The following PCDH15 variants were observed in gnomAD, a reference collection of about 807,000 sequenced individuals.
PCDH15 encodes the protein protocadherin related 15, also known as protocadherin-15.
In PCDH15, 129 loss-of-function variants were observed where a neutral mutation model predicts 178.5. That is an observed-to-expected ratio of 0.72 (90% CI 0.63 to 0.84). PCDH15 has a LOEUF of 0.84. Among genes scored for constraint, PCDH15 ranks in the 40% least tolerant of loss-of-function variants. PCDH15 has a pLI of 0.00. For synonymous variants in PCDH15, 800 were observed against 732.0 expected (o/e 1.09, Z -1.50); for missense variants, 2,230 against 2,099.9 (o/e 1.06, Z -1.21).
At chr10:54,031,246 TTTTG>T (rs1332467148) in intron 18 of PCDH15, among the ~76,000 whole-genome samples, 2 of 151,952 alleles carry the variant, frequency 1.3e-5, no homozygotes, top group East Asian at 1.9e-4. Context: ...TAGGTTTTTT[TTTTG>T]TTTGTTTTTA....
intron 3 of PCDH15, among the ~76,000 whole-genome samples, chr10:54,469,646 G>A (rs922253600): frequency 3.3e-5 from 5 of 152,132 alleles, no homozygotes; most frequent in African/African-American, 1.2e-4. Flanking sequence ...CACTAGCACT[G>A]GTGTCAGCAG....
intron 33 of PCDH15, among the ~76,000 whole-genome samples, chr10:53,819,157 G>GAAAT (rs756684244): frequency 7.9e-5 from 12 of 151,886 alleles, no homozygotes; most frequent in Non-Finnish European, 1.5e-4. Flanking sequence ...ATATTTTTCA[G>GAAAT]AAATAATTCA....
At chr10:54,855,001 G>T (rs566428771) in intron 3 of PCDH15, among the ~76,000 whole-genome samples, 1 of 152,214 alleles carries the variant, frequency 6.6e-6, no homozygotes, top group Non-Finnish European at 1.5e-5. Context: ...CCCCATCCAC[G>T]TTTCTCTTAG....
chr10:55,459,241 A>AAAAGAAAAAG (rs1554872420), intron 2 of PCDH15, among the ~76,000 whole-genome samples: 1 of 134,242 alleles, frequency 7.4e-6, no homozygotes, highest in African/African-American at 2.8e-5. Flanking sequence ...GCAAAAAAAA[A>AAAAGAAAAAG]AAAGAAGGAA....
At chr10:54,523,233 T>A (rs1166946989) in intron 3 of PCDH15, among the ~76,000 whole-genome samples, 1 of 152,154 alleles carries the variant, frequency 6.6e-6, no homozygotes, top group Non-Finnish European at 1.5e-5. Flanking sequence ...CAATGGCAAG[T>A]TGCTTTGGTG....
chr10:54,518,402 AC>A (rs1565483852), intron 3 of PCDH15, among the ~76,000 whole-genome samples: 1 of 152,200 alleles, frequency 6.6e-6, no homozygotes, highest in African/African-American at 2.4e-5. Flanking sequence ...CCACAGAAAT[AC>A]AAACTACCAT....
At chr10:55,469,896 T>A (rs1341078318) in intron 2 of PCDH15, among the ~76,000 whole-genome samples, 1 of 152,042 alleles carries the variant, frequency 6.6e-6, no homozygotes, top group Non-Finnish European at 1.5e-5. Context: ...AATTTAATAT[T>A]CTAATTATTA....
intron 3 of PCDH15, among the ~76,000 whole-genome samples, chr10:54,893,899 T>C (rs564530061): frequency 3.2e-4 from 48 of 152,214 alleles, no homozygotes; most frequent in African/African-American, 1.1e-3. Context: ...ATGAGTTACA[T>C]TGTGGATAGG....
At chr10:55,409,372 A>G (rs547116364) in intron 2 of PCDH15, among the ~76,000 whole-genome samples, 1 of 152,092 alleles carries the variant, frequency 6.6e-6, no homozygotes, top group African/African-American at 2.4e-5. Context: ...TTTGTCTCTC[A>G]TGTTACTGTC....
intron 3 of PCDH15, among the ~76,000 whole-genome samples, chr10:54,523,524 G>T (rs1417186687): frequency 6.6e-6 from 1 of 152,074 alleles, no homozygotes; most frequent in South Asian, 2.1e-4. Flanking sequence ...TGAAGGGATA[G>T]CAAGTACTTT....
chr10:54,731,468 A>G, intron 1 of PCDH15, among the ~76,000 whole-genome samples: 1 of 148,608 alleles, frequency 6.7e-6, no homozygotes, highest in Non-Finnish European at 1.5e-5. Flanking sequence ...TCCCATGTTT[A>G]TTGCAGCACT....
Position 53,833,942 on chromosome 10 carries a change from T to C in PCDH15, c.3984-2409A>G, listed in dbSNP as rs144218171. Among the ~76,000 whole-genome samples the C allele has an allele frequency of 3.2e-3, 493 of 152,252 alleles. 3 individuals are homozygous for C. Among genetic ancestry groups the C allele is most frequent in the African/African-American group, 0.011 (469 of 41,568 alleles). ...CAGGTGCTCAATTGATTTTAGGAGA[T>C]AAAATTTAATTTATAAATTAGGCAC... On this transcript the variant is annotated intron_variant, in intron 29 of 37. Transcript: ENST00000644397.
At chr10:55,074,970 G>T (rs1841845271) in intron 2 of PCDH15, among the ~76,000 whole-genome samples, 1 of 152,050 alleles carries the variant, frequency 6.6e-6, no homozygotes, top group Non-Finnish European at 1.5e-5. Context: ...TATTAAACGG[G>T]GAATGCTTTC....
chr10:55,562,868 T>G (rs1842228421), intron 2 of PCDH15, among the ~76,000 whole-genome samples: 1 of 152,054 alleles, frequency 6.6e-6, no homozygotes, highest in South Asian at 2.1e-4. Flanking sequence ...GAAATCTCTT[T>G]ACACATAAGT....
chr10:54,503,912 C>A (rs991864731), intron 3 of PCDH15, among the ~76,000 whole-genome samples: 8 of 151,986 alleles, frequency 5.3e-5, no homozygotes, highest in African/African-American at 1.7e-4. Context: ...ACAACTTGTT[C>A]CCCTGATGCC....
chr10:55,250,407 A>C (rs1307834331), intron 1 of PCDH15, among the ~76,000 whole-genome samples: 1 of 151,802 alleles, frequency 6.6e-6, no homozygotes, highest in African/African-American at 2.4e-5. Context: ...TCAACCTCCC[A>C]AAGTGCTACG....
rs1231218116 is a variant in PCDH15 at position 55,582,645 on chromosome 10, A to G, written c.-156+44980T>C. Among the ~76,000 whole-genome samples, 8 of 63,972 alleles carry G rather than the reference A, an allele frequency of 1.3e-4. 1 individual carries two copies. Among genetic ancestry groups the G allele is most frequent in the African/African-American group, 5.8e-4 (8 of 13,908 alleles). The allele number at this position is 63,972 out of a possible 152,430, so 42.0% of individuals were successfully genotyped here. A position where few individuals can be genotyped will look rare whatever the true frequency, so the allele number is the denominator to read the frequency against. On this transcript the variant is annotated intron_variant, in intron 2 of 5. Coordinates refer to the PCDH15 transcript ENST00000613346. ...ATATATATATTTTTTTTTTTTTGCT[A>G]TATTTGATGAACCTAGCCTTAATAA...
chr10:53,987,445 C>T (rs530797004), intron 21 of PCDH15, among the ~76,000 whole-genome samples: 11 of 152,024 alleles, frequency 7.2e-5, no homozygotes, highest in African/African-American at 1.4e-4. Flanking sequence ...GAGTGTTGCA[C>T]GTCATACATA....
chr10:54,556,636 T>G, intron 2 of PCDH15, among the ~76,000 whole-genome samples: 1 of 148,970 alleles, frequency 6.7e-6, no homozygotes, highest in East Asian at 2.0e-4. Flanking sequence ...CTTTTTTTTT[T>G]TCGGCTGTAG....
Sources: allele counts gnomAD v4.1 joint callset (sites outside exome capture counted in the v4.1 genomes callset), GRCh38; gene constraint gnomAD v4.1.1; transcripts MANE v1.5; gene names NCBI Gene and HGNC (gene_info 2026-07-23, HGNC 2026-07-21).